CPNE2: variants seen among roughly 807,000 people sequenced by gnomAD.
The protein encoded by CPNE2 is copine-2.
A neutral mutation model predicts 69.7 loss-of-function variants in CPNE2; 42 were observed. The ratio of observed to expected loss-of-function variants is 0.60; its 90% CI spans 0.47 to 0.78. The LOEUF (loss-of-function observed/expected upper bound fraction) is 0.78. Among genes scored for constraint, CPNE2 ranks in the 30% least tolerant of loss-of-function variants. The probability of loss-of-function intolerance (pLI) is 0.00; values close to 1 mark genes in which losing one functional copy is unlikely to be tolerated. For synonymous variants in CPNE2, 294 were observed against 289.8 expected (o/e 1.01, Z -0.15); for missense variants, 587 against 732.0 (o/e 0.80, Z 2.29).
intron 2 of CPNE2, among the ~76,000 whole-genome samples, chr16:57,112,378 C>T (rs1236562575): frequency 6.6e-6 from 1 of 152,012 alleles, no homozygotes; most frequent in African/African-American, 2.4e-5. Flanking sequence ...TTGAGTGCCC[C>T]GAGGGAGTGG....
At chr16:57,110,682 T>A in intron 1 of CPNE2, 26 bp from the exon 2 acceptor site, 1 of 1,431,586 alleles carries the variant, frequency 7.0e-7, no homozygotes, top group Non-Finnish European at 9.3e-7. Context: ...CTGTCCACTC[T>A]CTGACCCTCA....
intron 7 of CPNE2, among the ~76,000 whole-genome samples, chr16:57,120,163 C>T (rs777428775): frequency 1.1e-4 from 16 of 151,878 alleles, no homozygotes; most frequent in African/African-American, 3.6e-4. Flanking sequence ...GTCCCAGCTA[C>T]TCAGGAGCCT....
intron 1 of CPNE2, among the ~76,000 whole-genome samples, chr16:57,096,382 G>A (rs1241807599): frequency 6.6e-6 from 1 of 152,120 alleles, no homozygotes; most frequent in Non-Finnish European, 1.5e-5. Context: ...TTCTCAGGTT[G>A]GGCATGTCTC....
chr16:57,110,445 GAAC>G (rs1205707964), intron 1 of CPNE2: 1 of 179,242 alleles, frequency 5.6e-6, no homozygotes, highest in Non-Finnish European at 1.2e-5. Context: ...GGCTGGTCTT[GAAC>G]TCCGGGCTTC....
At chr16:57,097,834 C>T (rs2069587363) in intron 1 of CPNE2, among the ~76,000 whole-genome samples, 1 of 152,250 alleles carries the variant, frequency 6.6e-6, no homozygotes, top group Non-Finnish European at 1.5e-5. Context: ...GCCAGATCCA[C>T]TCCCAAGGTC....
chr16:57,103,313 G>A (rs1469494638), intron 1 of CPNE2, among the ~76,000 whole-genome samples: 2 of 151,264 alleles, frequency 1.3e-5, no homozygotes, highest in East Asian at 3.9e-4. Flanking sequence ...TGTAGAGACA[G>A]GATCTCACTG....
intron 11 of CPNE2, among the ~76,000 whole-genome samples, chr16:57,126,452 C>A (rs2069801779): frequency 6.6e-6 from 1 of 150,966 alleles, no homozygotes; most frequent in African/African-American, 2.5e-5. Context: ...GAGCAGCTAG[C>A]ATGCACGGAC....
At chr16:57,098,835 GCTT>G (rs1399343370) in intron 1 of CPNE2, among the ~76,000 whole-genome samples, 1 of 152,190 alleles carries the variant, frequency 6.6e-6, no homozygotes, top group African/African-American at 2.4e-5. Context: ...TGAGGGCGAC[GCTT>G]CTAAGCCAAT....
chr16:57,141,957 G>T (rs775931801), intron 14 of CPNE2: 1 of 152,234 alleles, frequency 6.6e-6, no homozygotes, highest in Non-Finnish European at 1.5e-5. Context: ...GTTTGGGGAA[G>T]AATATTTGGT....
At chr16:57,093,015 G>A (rs1419714736) in intron 1 of CPNE2, among the ~76,000 whole-genome samples, 1 of 152,180 alleles carries the variant, frequency 6.6e-6, no homozygotes. Flanking sequence ...CGGACTGCGG[G>A]GAAGGGCGGG....
intron 14 of CPNE2, chr16:57,144,496 AC>A (rs1328363954): frequency 6.6e-6 from 1 of 152,274 alleles, no homozygotes; most frequent in East Asian, 1.9e-4. Flanking sequence ...TAGCTCCATG[AC>A]CTTGACTAGT....
Position 57,117,540 on chromosome 16 carries a change from C to T in CPNE2, c.480C>T (p.Ser160=). The stretch of plus-strand genomic sequence containing the variant: ...CCGACAACCGCGTCATCACACTAAG[C>T]CTGGCGGGCAGGAGGCTGGACAAGA... ...ELSDNRVITL[S]LAGRRLDKKD... is the part of the protein sequence containing the mutation. The change falls in exon 5 of 16, where the codon AGC becomes AGT. Residue 160 remains serine (S), a synonymous_variant. Transcript: ENST00000290776. 1 of 1,614,006 alleles carries T rather than the reference C, an allele frequency of 6.2e-7. No individual in the cohort carries two copies. Among genetic ancestry groups the T allele is most frequent in the South Asian group, 1.1e-5 (1 of 91,042 alleles).
intron 8 of CPNE2, 61 bp from the exon 9 acceptor site, chr16:57,121,613 G>A (rs1217163489): frequency 2.0e-6 from 3 of 1,511,546 alleles, no homozygotes; most frequent in Middle Eastern, 1.7e-4. Context: ...TAGGGCCAAG[G>A]AGGAGGATCT....
At chr16:57,113,023 A>G (rs2069691441) in intron 2 of CPNE2, 4 of 374,832 alleles carry the variant, frequency 1.1e-5, no homozygotes, top group Non-Finnish European at 2.0e-5. Context: ...GGGCCAAAGA[A>G]TTAAGAGTGT....
rs2069970600 is a variant in CPNE2 at position 57,147,702 on chromosome 16, TC to T, written c.*49del. 1.5e-6 allele frequency: 2 copies of T among 1,336,202 alleles called. No homozygotes were observed. The highest frequency in any genetic ancestry group is 1.4e-5 in the South Asian group (1 of 71,442). 82.8% of individuals were successfully genotyped at this position (1,336,202 alleles called of 1,614,324 possible). On this transcript the variant is annotated 3_prime_UTR_variant, in exon 16 of 16. Coordinates refer to ENST00000290776, the MANE Select transcript of CPNE2 (RefSeq NM_152727.6). Reference sequence around the variant, plus strand: ...AGCATGTCAGCTGAGCCTCCTGCCCTCCCCCAGGAACATGCACGCTCACTCT... The same window carrying T: ...AGCATGTCAGCTGAGCCTCCTGCCCTCCCCAGGAACATGCACGCTCACTCT...
intron 8 of CPNE2, 46 bp from the exon 9 acceptor site, chr16:57,121,628 C>T (rs758019426): frequency 3.2e-6 from 5 of 1,579,048 alleles, no homozygotes; most frequent in South Asian, 2.2e-5. Context: ...GGATCTGTTT[C>T]CAAAGAAGCC....
At chr16:57,125,292 C>A in intron 10 of CPNE2, 1 of 456,112 alleles carries the variant, frequency 2.2e-6, no homozygotes, top group Non-Finnish European at 4.4e-6. Context: ...GGCCAGGCTT[C>A]TCCAGAGTAC....
chr16:57,119,342 C>T (rs2069743919), intron 6 of CPNE2, 64 bp downstream of exon 6: 2 of 1,530,896 alleles, frequency 1.3e-6, no homozygotes. Flanking sequence ...CTCCACAGCT[C>T]TGAAAAAGGG....
chr16:57,106,921 C>T (rs1322733765), intron 1 of CPNE2, among the ~76,000 whole-genome samples: 4 of 152,226 alleles, frequency 2.6e-5, no homozygotes, highest in Admixed American at 6.5e-5. Flanking sequence ...TGCCTAGGTC[C>T]CACAATGTTC....
Sources: gnomAD v4.1 joint callset for allele counts (sites outside exome capture counted in the v4.1 genomes callset) on GRCh38, gnomAD v4.1.1 for gene constraint, MANE v1.5 for transcripts, NCBI Gene and HGNC (gene_info 2026-07-23, HGNC 2026-07-21) for gene names.